The following KMT2C variants were observed in gnomAD, a reference collection of about 807,000 sequenced individuals.
KMT2C encodes the protein lysine methyltransferase 2C.
A neutral mutation model predicts 507.9 loss-of-function variants in KMT2C; 88 were observed. The ratio of observed to expected loss-of-function variants is 0.17; its 90% CI spans 0.15 to 0.21. KMT2C has a LOEUF of 0.21. Among genes scored for constraint, KMT2C ranks in the 10% least tolerant of loss-of-function variants. The pLI, the probability that KMT2C is intolerant of heterozygous loss-of-function variation, is 1.00. For synonymous variants in KMT2C, 2,049 were observed against 2,080.8 expected (o/e 0.98, Z 0.42); for missense variants, 4,954 against 5,957.8 (o/e 0.83, Z 5.55).
intron 23 of KMT2C, among the ~76,000 whole-genome samples, chr7:152,218,441 G>T (rs1000528162): frequency 1.3e-5 from 2 of 151,996 alleles, no homozygotes; most frequent in African/African-American, 4.8e-5. Context: ...TGGGATTACA[G>T]ATTATAGGCA....
intron 1 of KMT2C, among the ~76,000 whole-genome samples, chr7:152,378,422 A>G (rs1159188651): frequency 1.3e-5 from 2 of 152,290 alleles, no homozygotes; most frequent in Admixed American, 6.5e-5. Context: ...CTGAAAGCTC[A>G]GATGATCAGT....
intron 1 of KMT2C, among the ~76,000 whole-genome samples, chr7:152,389,769 G>A (rs1158453527): frequency 6.6e-6 from 1 of 152,048 alleles, no homozygotes; most frequent in Non-Finnish European, 1.5e-5. Context: ...ACTAGCAGGG[G>A]TTATGTGAAT....
At chr7:152,264,682 T>C (rs1432840745) in intron 8 of KMT2C, among the ~76,000 whole-genome samples, 1 of 152,102 alleles carries the variant, frequency 6.6e-6, no homozygotes, top group African/African-American at 2.4e-5. Context: ...GAAAAACTAC[T>C]TTATTCTTCT....
chr7:152,294,972 T>C (rs2096476052), intron 6 of KMT2C, among the ~76,000 whole-genome samples: 1 of 152,196 alleles, frequency 6.6e-6, no homozygotes, highest in Non-Finnish European at 1.5e-5. Flanking sequence ...CTATGATTCC[T>C]ACCCTGACAT....
At chr7:152,299,017 G>A (rs2096540786) in intron 6 of KMT2C, among the ~76,000 whole-genome samples, 1 of 152,044 alleles carries the variant, frequency 6.6e-6, no homozygotes, top group South Asian at 2.1e-4. Context: ...GAGGCAAACT[G>A]GAATCATAAT....
At chr7:152,411,534 G>C (rs2982767) in intron 1 of KMT2C, among the ~76,000 whole-genome samples, 4 of 152,098 alleles carry the variant, frequency 2.6e-5, no homozygotes, top group African/African-American at 7.2e-5. Context: ...AGAAAGAGGA[G>C]GGGGAAGAAG....
rs762888580 is a variant in KMT2C, at chr7:152,182,956, T to C, written c.5265+18A>G. On this transcript the variant is annotated intron_variant, in intron 35 of 58. Coordinates refer to ENST00000262189, the MANE Select transcript of KMT2C (RefSeq NM_170606.3). ...AAAAATGCAACTTCAAAAAGTAGAT[T>C]ATCCAAAAATTCCATACCTGTCTAA... 6.5e-7 allele frequency: 1 copy of C among 1,533,082 alleles called. No homozygotes were observed. The highest frequency in any genetic ancestry group is 2.3e-5 in the East Asian group (1 of 42,778). The allele number at this position is 1,533,082 out of a possible 1,614,324, so 95.0% of individuals were successfully genotyped here. A position where few individuals can be genotyped will look rare whatever the true frequency, so the allele number is the denominator to read the frequency against.
At chr7:152,196,885 G>A (rs1239795065) in intron 27 of KMT2C, among the ~76,000 whole-genome samples, 1 of 152,190 alleles carries the variant, frequency 6.6e-6, no homozygotes, top group African/African-American at 2.4e-5. Context: ...CGAGAGGCCA[G>A]AGTGTTAACA....
In KMT2C at chr7:152,259,479, CACACACACACAG is replaced by C. The variant is rs1356271244; in HGVS notation, c.1299+3525_1299+3536del. ...ACACACACACACACACACACACACA[CACACACACACAG>C]AGAAAGCAAGAGAGGGCATGCCCAG... On this transcript the variant is annotated intron_variant, in intron 9 of 58. Coordinates refer to ENST00000262189, the MANE Select transcript of KMT2C (RefSeq NM_170606.3). 1.3e-3 allele frequency among the ~76,000 whole-genome samples: 189 copies of C among 149,436 alleles called. 3 individuals carry two copies. The highest frequency in any genetic ancestry group is 6.9e-3 in the Middle Eastern group (2 of 290).
At chr7:152,296,432 C>CA (rs551986657) in intron 6 of KMT2C, among the ~76,000 whole-genome samples, 7,275 of 98,108 alleles carry the variant, frequency 0.074, 587 homozygotes, top group African/African-American at 0.23. Flanking sequence ...AACTCCATCT[C>CA]AAAAAAAAAA....
chr7:152,257,804 T>A (rs2095685481), intron 9 of KMT2C, among the ~76,000 whole-genome samples: 1 of 151,848 alleles, frequency 6.6e-6, no homozygotes, highest in African/African-American at 2.4e-5. Flanking sequence ...GAAGAAGAAT[T>A]GTCTTGGGCC....
intron 1 of KMT2C, among the ~76,000 whole-genome samples, chr7:152,370,871 C>T (rs1246055664): frequency 6.6e-6 from 1 of 152,182 alleles, no homozygotes; most frequent in Non-Finnish European, 1.5e-5. Flanking sequence ...TGCTTTCATG[C>T]TACAATAGCA....
chr7:152,200,872 G>C (rs1311276019), intron 26 of KMT2C, among the ~76,000 whole-genome samples: 1 of 152,114 alleles, frequency 6.6e-6, no homozygotes, highest in Non-Finnish European at 1.5e-5. Context: ...TCTGGTGGAG[G>C]CAATGATATA....
chr7:152,200,851 A>G (rs2094115188), intron 26 of KMT2C, among the ~76,000 whole-genome samples: 1 of 152,202 alleles, frequency 6.6e-6, no homozygotes, highest in Admixed American at 6.5e-5. Flanking sequence ...AGAGATTGGG[A>G]GTGTGTGAAG....
At chr7:152,330,012 T>C (rs1268734260) in intron 3 of KMT2C, among the ~76,000 whole-genome samples, 3 of 151,344 alleles carry the variant, frequency 2.0e-5, no homozygotes, top group East Asian at 2.0e-4. Context: ...GGCATGGTGG[T>C]GCATGCCTAT....
intron 43 of KMT2C, among the ~76,000 whole-genome samples, chr7:152,159,434 G>A (rs1301757599): frequency 6.6e-6 from 1 of 152,132 alleles, no homozygotes; most frequent in African/African-American, 2.4e-5. Flanking sequence ...ATGGCTATAG[G>A]AGCCTCTGCA....
chr7:152,232,446 T>C (rs1488937885), intron 16 of KMT2C, among the ~76,000 whole-genome samples: 3 of 152,218 alleles, frequency 2.0e-5, no homozygotes, highest in Non-Finnish European at 4.4e-5. Context: ...AGCACTATAA[T>C]ATAAAAACAT....
At position 152,176,556 on chromosome 7, in the gene KMT2C, T is replaced by C. The variant is rs867690521; in HGVS notation, c.8897A>G (p.Asp2966Gly). 1 of 1,614,160 alleles carries C rather than the reference T, an allele frequency of 6.2e-7. No individual in the cohort carries two copies. The highest frequency in any genetic ancestry group is 1.7e-5 in the Admixed American group (1 of 60,028). ...TGTCACATTAGAATTCATGGCATTATCCAAAACACGGCCAGGCGGTGCTAT... is the reference window on the plus strand; with the variant it reads ...TGTCACATTAGAATTCATGGCATTACCCAAAACACGGCCAGGCGGTGCTAT... ...PFIAPPGRVL[D>G]NAMNSNVTVV... is the part of the protein sequence containing the mutation. The change falls in exon 38 of 59, where the codon GAT becomes GGT. Residue 2966 changes from aspartate (D) to glycine (G), a missense_variant. Transcript: ENST00000262189.
intron 1 of KMT2C, among the ~76,000 whole-genome samples, chr7:152,370,209 A>C (rs944305254): frequency 2.6e-5 from 4 of 152,086 alleles, no homozygotes; most frequent in Non-Finnish European, 5.9e-5. Context: ...AAAAAAAAGA[A>C]GACAATAAAA....
Sources: gnomAD v4.1 joint callset for allele counts (sites outside exome capture counted in the v4.1 genomes callset) on GRCh38, gnomAD v4.1.1 for gene constraint, MANE v1.5 for transcripts, NCBI Gene and HGNC (gene_info 2026-07-23, HGNC 2026-07-21) for gene names.